Variants in RIMS2 observed in about 807,000 individuals in gnomAD.
The protein encoded by RIMS2 is regulating synaptic membrane exocytosis 2, also known as regulating synaptic membrane exocytosis protein 2.
Under a neutral mutation model 174.4 loss-of-function variants are expected in RIMS2, and 59 were observed. The observed-to-expected ratio is 0.34, with a 90% CI of 0.27 to 0.42. The LOEUF is 0.42. Among genes scored for constraint, RIMS2 ranks in the 10% least tolerant of loss-of-function variants. The pLI, the probability that RIMS2 is intolerant of heterozygous loss-of-function variation, is 1.00. For synonymous variants in RIMS2, 606 were observed against 572.5 expected (o/e 1.06, Z -0.84); for missense variants, 1,620 against 1,666.3 (o/e 0.97, Z 0.48).
At chr8:103,912,285 A>G in intron 6 of RIMS2, 113 bp downstream of exon 9, 1 of 699,210 alleles carries the variant, frequency 1.4e-6, no homozygotes, top group Non-Finnish European at 2.2e-6. Context: ...TTCCATTTTC[A>G]ATAGTTTGTG....
At chr8:103,800,830 G>A (rs972737499) in intron 3 of RIMS2, among the ~76,000 whole-genome samples, 21 of 152,024 alleles carry the variant, frequency 1.4e-4, no homozygotes, top group Admixed American at 1.1e-3. Flanking sequence ...GGGAATGCTG[G>A]CCTCCTAAGA....
chr8:103,939,812 T>G (rs2082118122), intron 13 of RIMS2, among the ~76,000 whole-genome samples: 1 of 152,192 alleles, frequency 6.6e-6, no homozygotes, highest in Admixed American at 6.5e-5. Flanking sequence ...AAGTTCAAAA[T>G]TCCACAAATC....
At chr8:103,937,885 T>C (rs1286231305) in intron 13 of RIMS2, among the ~76,000 whole-genome samples, 1 of 152,220 alleles carries the variant, frequency 6.6e-6, no homozygotes, top group South Asian at 2.1e-4. Context: ...CCCTTCTCTA[T>C]GGAGTCTTGC....
chr8:103,858,603 CTG>C (rs767920252), intron 3 of RIMS2, among the ~76,000 whole-genome samples: 8 of 148,974 alleles, frequency 5.4e-5, no homozygotes, highest in Admixed American at 1.3e-4. Context: ...GTGTGTGTGT[CTG>C]TGTGTGTGTG....
At chr8:103,726,160 C>G (rs1300198224) in intron 2 of RIMS2, among the ~76,000 whole-genome samples, 1 of 152,094 alleles carries the variant, frequency 6.6e-6, no homozygotes, top group African/African-American at 2.4e-5. Context: ...TGCTCCTTGA[C>G]TTATGATGGA....
intron 4 of RIMS2, among the ~76,000 whole-genome samples, chr8:103,892,548 A>G (rs2099252810): frequency 6.6e-6 from 1 of 152,056 alleles, no homozygotes; most frequent in African/African-American, 2.4e-5. Context: ...AGTTTTTAAA[A>G]GTCAAAGATT....
chr8:103,960,487 CA>C (rs899350440), intron 14 of RIMS2, among the ~76,000 whole-genome samples: 6 of 152,064 alleles, frequency 3.9e-5, no homozygotes, highest in African/African-American at 1.4e-4. Flanking sequence ...AAGCAATAGA[CA>C]AATAGCTAAA....
At chr8:103,679,020 G>A (rs965710754) in intron 1 of RIMS2, among the ~76,000 whole-genome samples, 46 of 151,906 alleles carry the variant, frequency 3.0e-4, no homozygotes, top group African/African-American at 1.1e-3. Flanking sequence ...AGTCCCTCTA[G>A]GATTTTCAAG....
intron 1 of RIMS2, among the ~76,000 whole-genome samples, chr8:103,513,777 C>T (rs1157559012): frequency 6.6e-6 from 1 of 152,008 alleles, no homozygotes; most frequent in African/African-American, 2.4e-5. Context: ...ATCATAGTGG[C>T]TGTTGATGTG....
chr8:103,842,457 C>T (rs2154487571), intron 3 of RIMS2, among the ~76,000 whole-genome samples: 1 of 151,976 alleles, frequency 6.6e-6, no homozygotes, highest in Admixed American at 6.5e-5. Context: ...AAATAAGAAA[C>T]ACTAAGTAAA....
intron 3 of RIMS2, among the ~76,000 whole-genome samples, chr8:103,817,935 G>A (rs1038021221): frequency 5.9e-5 from 9 of 151,988 alleles, no homozygotes; most frequent in African/African-American, 2.2e-4. Context: ...TTTTAGGTAT[G>A]TATGTGTGTT....
At chr8:103,760,329 AG>A (rs1226836101) in intron 2 of RIMS2, among the ~76,000 whole-genome samples, 2 of 152,350 alleles carry the variant, frequency 1.3e-5, no homozygotes, top group African/African-American at 4.8e-5. Context: ...TGCTTGTATC[AG>A]GGGCATCAGA....
chr8:104,248,243 G>A (rs2099346363), intron 20 of RIMS2, among the ~76,000 whole-genome samples: 1 of 152,126 alleles, frequency 6.6e-6, no homozygotes, highest in South Asian at 2.1e-4. Context: ...GTCAGGAAAG[G>A]GATTTTTTTA....
chr8:103,984,045 G>A (rs916113343), intron 16 of RIMS2, among the ~76,000 whole-genome samples: 2 of 152,124 alleles, frequency 1.3e-5, no homozygotes, highest in African/African-American at 4.8e-5. Context: ...GTGGTGGCGG[G>A]CACCTGTAGT....
At chr8:103,570,601 G>A (rs1310496109) in intron 1 of RIMS2, among the ~76,000 whole-genome samples, 1 of 152,170 alleles carries the variant, frequency 6.6e-6, no homozygotes, top group East Asian at 1.9e-4. Context: ...GCATGGAATT[G>A]TGTTTTATTT....
chr8:103,914,128 A>G (rs2076235117), intron 6 of RIMS2, among the ~76,000 whole-genome samples: 1 of 152,188 alleles, frequency 6.6e-6, no homozygotes, highest in African/African-American at 2.4e-5. Context: ...ATTTCCAGGG[A>G]CAGTGAGATG....
At chr8:104,234,083 A>G (rs1337727606) in intron 19 of RIMS2, among the ~76,000 whole-genome samples, 2 of 152,168 alleles carry the variant, frequency 1.3e-5, no homozygotes, top group Non-Finnish European at 2.9e-5. Flanking sequence ...TGTGCAGATT[A>G]TAGGATCTGA....
At chr8:104,087,676 T>C (rs1355396906) in intron 19 of RIMS2, among the ~76,000 whole-genome samples, 1 of 152,098 alleles carries the variant, frequency 6.6e-6, no homozygotes, top group East Asian at 1.9e-4. Context: ...AATAAAATAA[T>C]CCACACATAT....
chr8:104,012,725 T>G (rs1418860102), intron 17 of RIMS2, among the ~76,000 whole-genome samples: 3 of 152,168 alleles, frequency 2.0e-5, no homozygotes, highest in African/African-American at 7.2e-5. Flanking sequence ...AATTTAAGGA[T>G]ACTTCCTTCA....
Sources: allele counts gnomAD v4.1 joint callset (sites outside exome capture counted in the v4.1 genomes callset), GRCh38; gene constraint gnomAD v4.1.1; transcripts MANE v1.5; gene names NCBI Gene and HGNC (gene_info 2026-07-23, HGNC 2026-07-21).